The following BCO1 variants were observed in gnomAD, a reference collection of about 807,000 sequenced individuals.
The protein encoded by BCO1 is beta-carotene oxygenase 1, also known as beta,beta-carotene 15,15'-dioxygenase.
A neutral mutation model predicts 56.3 loss-of-function variants in BCO1; 54 were observed. The ratio of observed to expected loss-of-function variants is 0.96; its 90% confidence interval spans 0.77 to 1.20. The LOEUF (loss-of-function observed/expected upper bound fraction) is 1.20, where lower values mean the gene tolerates loss of function less well. BCO1 is among the 50% of genes most tolerant of loss of function. The probability of loss-of-function intolerance (pLI) is 0.00; values close to 1 mark genes in which losing one functional copy is unlikely to be tolerated. For missense variants in BCO1, 801 were observed against 690.9 expected (o/e 1.16, Z -1.79); for synonymous variants, 318 against 266.1 (o/e 1.20, Z -1.90).
At chr16:81,248,040 A>T (rs187246619) in intron 2 of BCO1, among the ~76,000 whole-genome samples, 113 of 152,198 alleles carry the variant, frequency 7.4e-4, no homozygotes, top group African/African-American at 2.7e-3. Context: ...GATCTAAACG[A>T]ATGTGTAAAC....
intron 2 of BCO1, among the ~76,000 whole-genome samples, chr16:81,256,289 AG>A (rs1357449525): frequency 6.6e-6 from 1 of 152,110 alleles, no homozygotes; most frequent in Non-Finnish European, 1.5e-5. Flanking sequence ...AGATATCAAA[AG>A]GCACTGGGCG....
chr16:81,247,273 G>A (rs1022131437), intron 2 of BCO1, among the ~76,000 whole-genome samples: 1 of 152,148 alleles, frequency 6.6e-6, no homozygotes, highest in Non-Finnish European at 1.5e-5. Context: ...TCAGTAAAAT[G>A]AGCTTGTTCA....
intron 2 of BCO1, among the ~76,000 whole-genome samples, chr16:81,254,726 C>T (rs750282644): frequency 3.9e-5 from 6 of 152,138 alleles, no homozygotes; most frequent in South Asian, 2.1e-4. Context: ...GTCAAGATAG[C>T]GGTTACCCTG....
chr16:81,246,556 G>A (rs1597344906), intron 2 of BCO1, among the ~76,000 whole-genome samples: 3 of 152,104 alleles, frequency 2.0e-5, no homozygotes, highest in Middle Eastern at 3.4e-3. Context: ...AACAGGAAAT[G>A]GACAGAGCTG....
chr16:81,290,706 C>T lies in BCO1; in HGVS notation c.*129C>T. On this transcript the variant is annotated 3_prime_UTR_variant, in exon 11 of 11. Transcript: ENST00000258168. ...CTTTCTGTGGGTGCTTTGACAAGGG[C>T]ATGGCAAGAGAGCTTGTCAGTATCA... The T allele has an allele frequency of 2.8e-6, 2 of 713,466 alleles. No individual in the cohort carries two copies. Among genetic ancestry groups the T allele is most frequent in the Non-Finnish European group, 4.6e-6 (2 of 430,552 alleles). The allele number at this position is 713,466 out of a possible 1,614,324, so 44.2% of individuals were successfully genotyped here.
rs1314746217 is a variant in BCO1, at chr16:81,280,969, T to G, written c.1207+7T>G. On this transcript the variant is annotated splice_region_variant and intron_variant, in intron 8 of 10. Transcript: ENST00000258168. ...CCGGAATTTCTTTATGAAGGTAAAA[T>G]GCATCCTCTTGTCCTGAGTTTAGGA... The G allele has an allele frequency of 3.1e-6, 5 of 1,598,582 alleles. No individual in the cohort carries two copies. Among genetic ancestry groups the G allele is most frequent in the Non-Finnish European group, 8.6e-7 (1 of 1,166,066 alleles).
rs546566864 is a variant in BCO1, at chr16:81,249,092, CTTTTTT to C, written c.193+3500_193+3505del. On this transcript the variant is annotated intron_variant, in intron 2 of 10. Coordinates refer to ENST00000258168, the MANE Select transcript of BCO1 (RefSeq NM_017429.3). ...CAGCTCCTCCATGGTCTCTTTCTTT[CTTTTTT>C]TTTTTTTTTTGAGATGGAGTCTCAC... 3.7e-5 allele frequency among the ~76,000 whole-genome samples: 5 copies of C among 133,466 alleles called. No homozygotes were observed. The Admixed American group carries it at 3.8e-4, about 10-fold the overall frequency. 87.6% of individuals were successfully genotyped at this position (133,466 alleles called of 152,430 possible).
At position 81,238,732 on chromosome 16, in the gene BCO1, G is replaced by T. The variant is rs894285516; in HGVS notation, c.-177G>T. 2.9e-6 allele frequency: 2 copies of T among 683,376 alleles called. No individual in the cohort carries two copies. Among genetic ancestry groups the T allele is most frequent in the African/African-American group, 3.6e-5 (2 of 56,140 alleles). The allele number at this position is 683,376 out of a possible 1,614,324, so 42.3% of individuals were successfully genotyped here. On this transcript the variant is annotated 5_prime_UTR_variant, in exon 1 of 11. Transcript: ENST00000258168. ...AGGGCTCTTGGAGAGGGACAAGTGA[G>T]AGCCAGCCAAAAAGGAAAAAGCAAA...
chr16:81,275,005 T>C (rs1907468165), intron 7 of BCO1, among the ~76,000 whole-genome samples: 1 of 152,244 alleles, frequency 6.6e-6, no homozygotes, highest in South Asian at 2.1e-4. Flanking sequence ...GCTTTTTAAT[T>C]GCTACTTATT....
chr16:81,276,245 G>A (rs1468056369), intron 7 of BCO1, among the ~76,000 whole-genome samples: 2 of 152,222 alleles, frequency 1.3e-5, no homozygotes, highest in African/African-American at 4.8e-5. Context: ...TGGCACTTTG[G>A]AGGACTGTGG....
At chr16:81,243,122 A>G (rs1208454733) in intron 1 of BCO1, among the ~76,000 whole-genome samples, 2 of 152,114 alleles carry the variant, frequency 1.3e-5, no homozygotes, top group Admixed American at 6.6e-5. Context: ...TGCATAAGGG[A>G]GATGGCTTTT....
chr16:81,263,554 A>T (rs1906630370), intron 4 of BCO1: 1 of 152,324 alleles, frequency 6.6e-6, no homozygotes, highest in South Asian at 2.1e-4. Context: ...TTTGCAAGAC[A>T]CAATTCAACC....
intron 10 of BCO1, among the ~76,000 whole-genome samples, chr16:81,289,754 A>C (rs1908361810): frequency 6.6e-6 from 1 of 152,186 alleles, no homozygotes; most frequent in Non-Finnish European, 1.5e-5. Flanking sequence ...AACCCTGTGG[A>C]GTGTAGGTGA....
intron 5 of BCO1, among the ~76,000 whole-genome samples, chr16:81,267,700 C>T (rs1906914394): frequency 6.6e-6 from 1 of 152,152 alleles, no homozygotes; most frequent in East Asian, 1.9e-4. Flanking sequence ...CAGTGGTTTT[C>T]AGATTGTATA....
intron 2 of BCO1, among the ~76,000 whole-genome samples, chr16:81,256,385 G>T (rs1328746179): frequency 6.6e-6 from 1 of 152,048 alleles, no homozygotes; most frequent in Non-Finnish European, 1.5e-5. Context: ...TCAACTTTTT[G>T]CTTATTGGAA....
rs1173240509 is a variant in BCO1 at position 81,285,534 on chromosome 16, T to C, written c.1208-6T>C. 2 of 1,606,402 alleles carry C rather than the reference T, an allele frequency of 1.2e-6. No homozygotes were observed. Among genetic ancestry groups the C allele is most frequent in the African/African-American group, 1.3e-5 (1 of 74,764 alleles). The stretch of plus-strand genomic sequence containing the variant: ...GGGCTTCATCCACCTCCTCATTTCC[T>C]TGTAGGCTTAGAGCTTCCACGGGTC... On this transcript the variant is annotated splice_polypyrimidine_tract_variant and splice_region_variant and intron_variant, in intron 8 of 10. Transcript: ENST00000258168.
intron 8 of BCO1, among the ~76,000 whole-genome samples, chr16:81,284,119 G>C (rs1039421513): frequency 2.6e-5 from 4 of 151,602 alleles, no homozygotes; most frequent in African/African-American, 9.7e-5. Context: ...CTTGAACCTG[G>C]GAGGCGGTGG....
At chr16:81,262,616 T>A in intron 4 of BCO1, 1 of 354,600 alleles carries the variant, frequency 2.8e-6, no homozygotes, top group Non-Finnish European at 5.5e-6. Flanking sequence ...TCACCTGAGG[T>A]CAGGAGTTTG....
chr16:81,270,644 T>C (rs1174526452), intron 7 of BCO1, among the ~76,000 whole-genome samples: 1 of 147,062 alleles, frequency 6.8e-6, no homozygotes, highest in African/African-American at 2.4e-5. Context: ...CCACCGAAGA[T>C]GATCACTGTG....
Sources: gnomAD v4.1 joint callset for allele counts (sites outside exome capture counted in the v4.1 genomes callset) on GRCh38, gnomAD v4.1.1 for gene constraint, MANE v1.5 for transcripts, NCBI Gene and HGNC (gene_info 2026-07-23, HGNC 2026-07-21) for gene names.